The following SYNPR variants were observed in gnomAD, a reference collection of about 807,000 sequenced individuals.
SYNPR encodes synaptoporin.
SYNPR carries 23 observed loss-of-function variants against 32.9 expected under a neutral mutation model. The observed-to-expected ratio is 0.70, with a 90% confidence interval of 0.50 to 0.99. The LOEUF is 0.99. Among genes scored for constraint, SYNPR ranks in the 50% least tolerant of loss-of-function variants. The pLI, the probability that SYNPR is intolerant of heterozygous loss-of-function variation, is 0.00. For missense variants in SYNPR, 318 were observed against 349.3 expected (o/e 0.91, Z 0.71); for synonymous variants, 146 against 135.9 (o/e 1.07, Z -0.52).
intron 2 of SYNPR, among the ~76,000 whole-genome samples, chr3:63,346,737 C>T (rs1360653649): frequency 4.6e-5 from 7 of 152,156 alleles, no homozygotes; most frequent in Non-Finnish European, 7.3e-5. Flanking sequence ...TCCCAAAGTG[C>T]TGGGATTACA....
At position 63,615,309 on chromosome 3, in the gene SYNPR, G is replaced by C. The variant is rs756599070; in HGVS notation, c.686G>C (p.Arg229Thr). 6.2e-7 allele frequency: 1 copy of C among 1,613,754 alleles called. No individual in the cohort carries two copies. The highest frequency in any genetic ancestry group is 8.5e-7 in the Non-Finnish European group (1 of 1,179,854). The change falls in exon 6 of 6, where the codon AGA becomes ACA. Residue 229 changes from arginine (R) to threonine (T), a missense_variant. Transcript: ENST00000478300. ...ACCGGCTGGCATTCTTCGGGACAGA[G>C]ATATCTTTCAGATCCAATGGAGAAG... Reference protein sequence around the residue: ...KETGWHSSGQRYLSDPMEKHS... With the variant: ...KETGWHSSGQTYLSDPMEKHS...
chr3:63,502,891 T>C (rs1701509647), intron 3 of SYNPR, among the ~76,000 whole-genome samples: 1 of 152,168 alleles, frequency 6.6e-6, no homozygotes, highest in Non-Finnish European at 1.5e-5. Context: ...GACATCTAAG[T>C]TGCTTCCGAG....
At chr3:63,592,131 AG>A (rs1448963390) in intron 4 of SYNPR, among the ~76,000 whole-genome samples, 3 of 152,078 alleles carry the variant, frequency 2.0e-5, no homozygotes, top group Non-Finnish European at 4.4e-5. Context: ...AGACCAGCAG[AG>A]ACTGGAGCGG....
At chr3:63,350,241 CAT>C (rs766150045) in intron 2 of SYNPR, among the ~76,000 whole-genome samples, 24,027 of 147,022 alleles carry the variant, frequency 0.16, 1,960 homozygotes, top group African/African-American at 0.18. Context: ...CACACACACA[CAT>C]ACAAACACAA....
intron 3 of SYNPR, among the ~76,000 whole-genome samples, chr3:63,500,857 C>G (rs1701463929): frequency 1.3e-5 from 2 of 152,118 alleles, no homozygotes; most frequent in Non-Finnish European, 2.9e-5. Context: ...ATAAAATAAA[C>G]TATACATTAT....
chr3:63,492,646 A>G lies in SYNPR; in HGVS notation c.209+11690A>G, dbSNP rs185937278. ...TCTGTTGAGCTCCCATAGGGAAGTG[A>G]CAAGCGGCAGAGATTAAATCATTGT... On this transcript the variant is annotated intron_variant, in intron 3 of 5. Coordinates refer to ENST00000478300, the MANE Select transcript of SYNPR (RefSeq NM_001130003.2). Among the ~76,000 whole-genome samples the G allele has an allele frequency of 3.3e-5, 5 of 152,262 alleles. No individual in the cohort carries two copies. In the East Asian group the frequency reaches 9.7e-4, roughly 29 times the overall value.
At chr3:63,305,496 A>G (rs2086900608) in intron 2 of SYNPR, among the ~76,000 whole-genome samples, 2 of 152,030 alleles carry the variant, frequency 1.3e-5, no homozygotes, top group Admixed American at 6.6e-5. Flanking sequence ...AGCAGTGCAT[A>G]TAAGAGATTT....
intron 2 of SYNPR, among the ~76,000 whole-genome samples, chr3:63,460,904 T>C (rs1354734410): frequency 1.3e-5 from 2 of 152,070 alleles, no homozygotes; most frequent in Non-Finnish European, 2.9e-5. Flanking sequence ...ATGATGATAG[T>C]GGCCTGAACT....
chr3:63,354,178 A>G (rs1194364000), intron 2 of SYNPR, among the ~76,000 whole-genome samples: 6 of 152,220 alleles, frequency 3.9e-5, no homozygotes. Context: ...CCACCTTAAA[A>G]TTCAGAACAT....
intron 2 of SYNPR, among the ~76,000 whole-genome samples, chr3:63,468,085 G>A (rs533765992): frequency 5.9e-5 from 9 of 151,440 alleles, no homozygotes; most frequent in Admixed American, 1.3e-4. Context: ...TCCCAGCTAC[G>A]TGGGAGGCTG....
chr3:63,450,456 C>T (rs1700358357), intron 2 of SYNPR, among the ~76,000 whole-genome samples: 1 of 152,168 alleles, frequency 6.6e-6, no homozygotes, highest in African/African-American at 2.4e-5. Flanking sequence ...AGGAAGATAA[C>T]AGAAGAGCTC....
intron 2 of SYNPR, among the ~76,000 whole-genome samples, chr3:63,261,297 CAA>C (rs201368424): frequency 5.4e-3 from 824 of 152,064 alleles, no homozygotes; most frequent in African/African-American, 0.017. Flanking sequence ...TTCACAATAA[CAA>C]AGAGTTGGAA....
chr3:63,500,334 C>T (rs572730018), intron 3 of SYNPR, among the ~76,000 whole-genome samples: 8 of 152,018 alleles, frequency 5.3e-5, no homozygotes, highest in Non-Finnish European at 1.0e-4. Flanking sequence ...AAACACTGTC[C>T]TAGAGAAAAA....
exon 3 of SYNPR, chr3:63,267,387 G>C (rs895575408): frequency 1.3e-5 from 2 of 152,304 alleles, no homozygotes; most frequent in African/African-American, 4.8e-5. Flanking sequence ...GGGACTTCCA[G>C]CTGCAGAAGG....
intron 2 of SYNPR, among the ~76,000 whole-genome samples, chr3:63,474,607 G>A (rs1700865434): frequency 1.3e-5 from 2 of 151,952 alleles, no homozygotes; most frequent in South Asian, 2.1e-4. Context: ...TTCATAGCTT[G>A]GAATTGGCCA....
At chr3:63,265,839 A>G (rs2086481467) in intron 2 of SYNPR, among the ~76,000 whole-genome samples, 1 of 152,212 alleles carries the variant, frequency 6.6e-6, no homozygotes, top group African/African-American at 2.4e-5. Flanking sequence ...TCAATAAACC[A>G]TTATTGAATG....
chr3:63,258,949 A>T (rs529151071), intron 2 of SYNPR, among the ~76,000 whole-genome samples: 2 of 152,302 alleles, frequency 1.3e-5, no homozygotes, highest in East Asian at 3.9e-4. Flanking sequence ...AAACACCTCT[A>T]TGCAAATAAA....
chr3:63,391,181 G>A (rs1181126003), intron 2 of SYNPR, among the ~76,000 whole-genome samples: 1 of 152,146 alleles, frequency 6.6e-6, no homozygotes, highest in Non-Finnish European at 1.5e-5. Context: ...TGAGAATGGA[G>A]CTATCTACCA....
intron 1 of SYNPR, among the ~76,000 whole-genome samples, chr3:63,247,790 G>A (rs1029952887): frequency 7.2e-5 from 11 of 152,030 alleles, no homozygotes; most frequent in Non-Finnish European, 1.3e-4. Context: ...CCTAAATACC[G>A]TGAGGTGAAG....
Sources: allele counts gnomAD v4.1 joint callset (sites outside exome capture counted in the v4.1 genomes callset), GRCh38; gene constraint gnomAD v4.1.1; transcripts MANE v1.5; gene names NCBI Gene and HGNC (gene_info 2026-07-23, HGNC 2026-07-21).